TMEM131L: variants seen among roughly 807,000 people sequenced by gnomAD.
The protein encoded by TMEM131L is transmembrane 131 like.
A neutral mutation model predicts 192.2 loss-of-function variants in TMEM131L; 54 were observed. The ratio of observed to expected loss-of-function variants is 0.28; its 90% CI spans 0.23 to 0.35. TMEM131L has a LOEUF of 0.35. TMEM131L is among the 10% of genes least tolerant of loss of function. The pLI is 1.00. For missense variants in TMEM131L, 1,888 were observed against 1,972.9 expected (o/e 0.96, Z 0.82); for synonymous variants, 701 against 704.9 (o/e 0.99, Z 0.09).
At chr4:153,536,719 TCTCCCTCC>T (rs746417436) in intron 3 of TMEM131L, among the ~76,000 whole-genome samples, 22 of 105,740 alleles carry the variant, frequency 2.1e-4, no homozygotes, top group African/African-American at 6.2e-4. Flanking sequence ...TGTCTATCTA[TCTCCCTCC>T]CTCCCTCCCT....
In TMEM131L at chr4:153,622,979, G is replaced by A. The variant is rs781143708; in HGVS notation, c.3941G>A (p.Gly1314Asp). 1.9e-6 allele frequency: 3 copies of A among 1,614,222 alleles called. No individual in the cohort carries two copies. Among genetic ancestry groups the A allele is most frequent in the Non-Finnish European group, 2.5e-6 (3 of 1,180,032 alleles). Residue 1314 changes from glycine (G) to aspartate (D), a missense_variant, in exon 29 of 35, where the codon GGC (glycine) becomes GAC (aspartate). Physicochemically the swap from Gly to Asp is moderately conservative, Grantham distance 94. Coordinates refer to ENST00000409959, the MANE Select transcript of TMEM131L (RefSeq NM_001131007.2). ...AGCTCTGACTGTGGGAGCTCCTCTG[G>A]CAGCGTGCGTGCCAGCCGGGGCAGC... is the stretch of plus-strand genomic sequence containing the variant. ...DSSSDCGSSS[G>D]SVRASRGSWG... is the part of the protein sequence containing the mutation.
At chr4:153,547,209 GAC>G (rs1450230695) in intron 3 of TMEM131L, among the ~76,000 whole-genome samples, 9 of 152,146 alleles carry the variant, frequency 5.9e-5, no homozygotes, top group Admixed American at 5.9e-4. Flanking sequence ...TGAAGTTAGA[GAC>G]ACTCTGGCTA....
chr4:153,541,757 A>C (rs566554487), intron 3 of TMEM131L, among the ~76,000 whole-genome samples: 3 of 152,262 alleles, frequency 2.0e-5, no homozygotes, highest in Non-Finnish European at 2.9e-5. Context: ...AACCAGGCCC[A>C]GAAACCAAGC....
At chr4:153,468,302 G>A (rs1362588291) in intron 2 of TMEM131L, among the ~76,000 whole-genome samples, 1 of 152,170 alleles carries the variant, frequency 6.6e-6, no homozygotes, top group African/African-American at 2.4e-5. Context: ...AGGCAGAGAG[G>A]TGATTTTAGA....
At chr4:153,567,234 T>C (rs190601506) in intron 7 of TMEM131L, among the ~76,000 whole-genome samples, 2,526 of 151,728 alleles carry the variant, frequency 0.017, 66 homozygotes, top group African/African-American at 0.057. Context: ...GAAAAAGAGA[T>C]AACAGAGAAA....
intron 3 of TMEM131L, among the ~76,000 whole-genome samples, chr4:153,505,715 C>G (rs1341913578): frequency 6.6e-6 from 1 of 152,112 alleles, no homozygotes; most frequent in Non-Finnish European, 1.5e-5. Context: ...TATTTCCCAG[C>G]TAAAATATCT....
At chr4:153,602,824 T>C (rs1434482701) in intron 23 of TMEM131L, 97 bp downstream of exon 23, 1 of 1,062,604 alleles carries the variant, frequency 9.4e-7, no homozygotes, top group Admixed American at 2.1e-5. Context: ...AGTCAAAGTA[T>C]ATGAATTGAG....
At chr4:153,503,909 G>T (rs1030345436) in intron 3 of TMEM131L, among the ~76,000 whole-genome samples, 4 of 152,150 alleles carry the variant, frequency 2.6e-5, no homozygotes, top group Non-Finnish European at 5.9e-5. Flanking sequence ...ATTTTTCAAC[G>T]TATATTGAAG....
chr4:153,479,324 C>G (rs1312124164), intron 3 of TMEM131L, among the ~76,000 whole-genome samples: 2 of 152,224 alleles, frequency 1.3e-5, no homozygotes, highest in Non-Finnish European at 2.9e-5. Flanking sequence ...ATGTTCTTCC[C>G]TCTTTCCTCT....
Position 153,467,204 on chromosome 4 carries a change from C to T in TMEM131L, c.125-7C>T. Reference sequence around the variant, plus strand: ...AAAACGTGGTGTATTTTTTGGTGTTCCTGCAGCGATTGAGCCGTTGCCGAA... The same window carrying T: ...AAAACGTGGTGTATTTTTTGGTGTTTCTGCAGCGATTGAGCCGTTGCCGAA... On this transcript the variant is annotated splice_region_variant and splice_polypyrimidine_tract_variant and intron_variant, in intron 1 of 34. Coordinates refer to ENST00000409959, the MANE Select transcript of TMEM131L (RefSeq NM_001131007.2). 1 of 1,551,612 alleles carries T rather than the reference C, an allele frequency of 6.4e-7. No individual in the cohort carries two copies. The highest frequency in any genetic ancestry group is 1.2e-5 in the South Asian group (1 of 84,066).
intron 3 of TMEM131L, among the ~76,000 whole-genome samples, chr4:153,512,531 C>G (rs1409339610): frequency 1.3e-5 from 2 of 152,190 alleles, no homozygotes; most frequent in African/African-American, 4.8e-5. Flanking sequence ...CCAAAATACA[C>G]TCTTTCTAAG....
Position 153,583,142 on chromosome 4 carries a change from A to G in TMEM131L, c.893-48A>G, listed in dbSNP as rs1190144286. 6.5e-6 allele frequency: 6 copies of G among 922,612 alleles called. No homozygotes were observed. In the Admixed American group the frequency reaches 6.9e-5, roughly 11 times the overall value. The allele number at this position is 922,612 out of a possible 1,614,324, so 57.2% of individuals were successfully genotyped here. A position where few individuals can be genotyped will look rare whatever the true frequency, so the allele number is the denominator to read the frequency against. On this transcript the variant is annotated intron_variant, in intron 9 of 34. Coordinates refer to ENST00000409959, the MANE Select transcript of TMEM131L (RefSeq NM_001131007.2). ...TGTGAGAATGAGATGGCTCTGTTTT[A>G]ATCTCTGATTAAATACTCTGCTTTA...
At chr4:153,559,955 C>A (rs1236958302) in intron 7 of TMEM131L, among the ~76,000 whole-genome samples, 9 of 152,094 alleles carry the variant, frequency 5.9e-5, no homozygotes, top group Admixed American at 5.9e-4. Context: ...CTCACTTGTG[C>A]AATGCCGTTT....
Position 153,591,220 on chromosome 4 carries a change from C to T in TMEM131L, c.1812+26C>T, listed in dbSNP as rs973020757. On this transcript the variant is annotated intron_variant, in intron 17 of 34. Transcript: ENST00000409959. ...GTGAGGACAGTGTGTCTTTTCATTT[C>T]TTTGTCAGTGACTCCCCAGTGCTTG... is the stretch of plus-strand genomic sequence containing the variant. 4 of 1,553,254 alleles carry T rather than the reference C, an allele frequency of 2.6e-6. No individual in the cohort carries two copies. The African/African-American group carries it at 4.2e-5, about 16-fold the overall frequency.
chr4:153,621,968 A>G (rs1733448472), intron 28 of TMEM131L, 119 bp downstream of exon 28: 3 of 964,158 alleles, frequency 3.1e-6, no homozygotes, highest in African/African-American at 1.6e-5. Flanking sequence ...AACTTAGCTA[A>G]TAACTAAAGC....
chr4:153,574,170 G>A (rs778272026), intron 7 of TMEM131L, among the ~76,000 whole-genome samples: 23 of 152,190 alleles, frequency 1.5e-4, no homozygotes, highest in Non-Finnish European at 2.8e-4. Flanking sequence ...AAGGAAAAAT[G>A]CTATCCATAT....
At chr4:153,576,119 C>T (rs1325633667) in intron 7 of TMEM131L, among the ~76,000 whole-genome samples, 2 of 152,082 alleles carry the variant, frequency 1.3e-5, no homozygotes, top group Non-Finnish European at 2.9e-5. Flanking sequence ...GCCACCATGC[C>T]CGGCTGATTT....
intron 3 of TMEM131L, among the ~76,000 whole-genome samples, chr4:153,514,600 G>A (rs1458119000): frequency 6.6e-6 from 1 of 152,126 alleles, no homozygotes; most frequent in Non-Finnish European, 1.5e-5. Flanking sequence ...GTACCATTAA[G>A]ATAGGTATCA....
chr4:153,577,469 T>G (rs1025859571), intron 7 of TMEM131L, among the ~76,000 whole-genome samples: 1 of 152,096 alleles, frequency 6.6e-6, no homozygotes, highest in Non-Finnish European at 1.5e-5. Flanking sequence ...TATTTTGACT[T>G]TGTAGGCTGT....
Sources: allele counts gnomAD v4.1 joint callset (sites outside exome capture counted in the v4.1 genomes callset), GRCh38; gene constraint gnomAD v4.1.1; transcripts MANE v1.5; gene names NCBI Gene and HGNC (gene_info 2026-07-23, HGNC 2026-07-21).